Variants in NKAIN2 observed in about 807,000 individuals in gnomAD.
The protein encoded by NKAIN2 is sodium/potassium-transporting ATPase subunit beta-1-interacting protein 2.
Under a neutral mutation model 32.6 loss-of-function variants are expected in NKAIN2, and 14 were observed. That is an observed-to-expected ratio of 0.43 (90% CI 0.28 to 0.67). The LOEUF (loss-of-function observed/expected upper bound fraction) is 0.67, where lower values mean the gene tolerates loss of function less well. NKAIN2 is among the 30% of genes least tolerant of loss of function. The pLI, the probability that NKAIN2 is intolerant of heterozygous loss-of-function variation, is 0.17. For missense variants in NKAIN2, 198 were observed against 258.3 expected (o/e 0.77, Z 1.60); for synonymous variants, 80 against 87.2 (o/e 0.92, Z 0.46).
intron 3 of NKAIN2, among the ~76,000 whole-genome samples, chr6:124,466,254 C>T (rs1290760516): frequency 6.6e-6 from 1 of 152,124 alleles, no homozygotes; most frequent in Non-Finnish European, 1.5e-5. Context: ...TTATAACTCT[C>T]ATGGCATGGT....
intron 3 of NKAIN2, among the ~76,000 whole-genome samples, chr6:124,575,245 T>C (rs1035042567): frequency 6.6e-6 from 1 of 152,172 alleles, no homozygotes; most frequent in African/African-American, 2.4e-5. Flanking sequence ...CTGTCCCCTA[T>C]CCCTTTCATT....
intron 4 of NKAIN2, among the ~76,000 whole-genome samples, chr6:124,697,687 T>G (rs534582555): frequency 6.6e-6 from 1 of 152,338 alleles, no homozygotes; most frequent in African/African-American, 2.4e-5. Flanking sequence ...CAGTCTATAT[T>G]GTTTCTGTTT....
rs774542140 is a variant in NKAIN2 at position 123,835,012 on chromosome 6, C to T, written c.54+30758C>T. Among the ~76,000 whole-genome samples the T allele has an allele frequency of 5.5e-4, 82 of 149,868 alleles. 2 individuals are homozygous for T. Among genetic ancestry groups the T allele is most frequent in the Non-Finnish European group, 1.8e-4 (12 of 66,658 alleles). ...TTCTATATCTATGTTCATGAGAGAT[C>T]TTAGTCTTTTGTTTTCTTGTATTGT... is the stretch of plus-strand genomic sequence containing the variant. On this transcript the variant is annotated intron_variant, in intron 1 of 6. Coordinates refer to ENST00000368417, the MANE Select transcript of NKAIN2 (RefSeq NM_001040214.3).
Position 124,823,262 on chromosome 6 carries a change from C to A in NKAIN2, c.*33C>A. On this transcript the variant is annotated 3_prime_UTR_variant, in exon 7 of 7. Coordinates refer to ENST00000368417, the MANE Select transcript of NKAIN2 (RefSeq NM_001040214.3). ...GACTTCAGTATGTCAGCCCATGGAC[C>A]TTTCAAAGAACTTTTTTCGCAGTGG... 6.4e-7 allele frequency: 1 copy of A among 1,552,622 alleles called. No individual in the cohort carries two copies. The highest frequency in any genetic ancestry group is 8.9e-7 in the Non-Finnish European group (1 of 1,123,494).
intron 1 of NKAIN2, among the ~76,000 whole-genome samples, chr6:124,174,154 C>T (rs1002567293): frequency 6.6e-6 from 1 of 151,940 alleles, no homozygotes; most frequent in African/African-American, 2.4e-5. Context: ...TTGATATGAG[C>T]GAGGTGGTAC....
chr6:123,878,853 A>G (rs1773305739), intron 1 of NKAIN2, among the ~76,000 whole-genome samples: 2 of 151,918 alleles, frequency 1.3e-5, no homozygotes, highest in African/African-American at 4.8e-5. Context: ...TGCACCACTC[A>G]TAGCCTTGCC....
chr6:124,328,278 G>A (rs1227183265), intron 2 of NKAIN2, among the ~76,000 whole-genome samples: 1 of 152,138 alleles, frequency 6.6e-6, no homozygotes, highest in African/African-American at 2.4e-5. Context: ...TTAAATATCT[G>A]TGATGTATTT....
chr6:124,025,703 G>GT (rs1781077741), intron 1 of NKAIN2, among the ~76,000 whole-genome samples: 1 of 152,160 alleles, frequency 6.6e-6, no homozygotes, highest in South Asian at 2.1e-4. Flanking sequence ...CACAATAGAC[G>GT]TAAGTGTGTG....
At chr6:123,887,539 C>G (rs1164291848) in intron 1 of NKAIN2, among the ~76,000 whole-genome samples, 1 of 152,080 alleles carries the variant, frequency 6.6e-6, no homozygotes, top group Non-Finnish European at 1.5e-5. Flanking sequence ...TTCTGTGTAC[C>G]TTCAATTCTT....
rs556337703 is a variant in NKAIN2 at position 124,428,612 on chromosome 6, A to G, written c.273+73265A>G. Among the ~76,000 whole-genome samples, 22 of 152,344 alleles carry G rather than the reference A, an allele frequency of 1.4e-4. No individual in the cohort carries two copies. In the South Asian group the frequency reaches 2.3e-3, roughly 16 times the overall value. ...GAAGCAAAATATTAGGAAATCCTTC[A>G]TAAGTGTAGGGTGAGTTAATCATTC... On this transcript the variant is annotated intron_variant, in intron 3 of 6. Coordinates refer to ENST00000368417, the MANE Select transcript of NKAIN2 (RefSeq NM_001040214.3).
intron 3 of NKAIN2, among the ~76,000 whole-genome samples, chr6:124,614,192 G>A (rs902004899): frequency 1.3e-5 from 2 of 152,102 alleles, no homozygotes; most frequent in African/African-American, 4.8e-5. Context: ...TCAGGAGTTC[G>A]AGACCAGCCT....
chr6:124,656,063 T>C (rs1007117343), intron 3 of NKAIN2, among the ~76,000 whole-genome samples: 10 of 152,164 alleles, frequency 6.6e-5, no homozygotes, highest in Non-Finnish European at 1.3e-4. Context: ...TCTTAGGCCC[T>C]GGGGATTTAT....
At chr6:124,582,123 C>T (rs939998274) in intron 3 of NKAIN2, among the ~76,000 whole-genome samples, 4 of 151,150 alleles carry the variant, frequency 2.6e-5, no homozygotes, top group African/African-American at 9.7e-5. Context: ...AAACCTTTAG[C>T]CAGACTGAGA....
intron 1 of NKAIN2, among the ~76,000 whole-genome samples, chr6:124,269,366 T>C (rs771855086): frequency 4.6e-5 from 7 of 152,118 alleles, no homozygotes; most frequent in Non-Finnish European, 7.4e-5. Context: ...TCATGACAAA[T>C]TCTAAAACGT....
At chr6:124,410,810 AT>A (rs1321922827) in intron 3 of NKAIN2, among the ~76,000 whole-genome samples, 1 of 152,090 alleles carries the variant, frequency 6.6e-6, no homozygotes, top group Non-Finnish European at 1.5e-5. Context: ...GTCTCCCATT[AT>A]TATTGTGTGG....
At chr6:124,056,063 G>A (rs113668322) in intron 1 of NKAIN2, among the ~76,000 whole-genome samples, 28 of 151,952 alleles carry the variant, frequency 1.8e-4, no homozygotes, top group African/African-American at 6.5e-4. Flanking sequence ...TGAGCTGATC[G>A]ATTGCCCACA....
intron 1 of NKAIN2, among the ~76,000 whole-genome samples, chr6:123,862,720 C>T (rs1582670729): frequency 6.6e-6 from 1 of 152,134 alleles, no homozygotes; most frequent in Non-Finnish European, 1.5e-5. Flanking sequence ...CTATCCATTT[C>T]TCATAACCTG....
chr6:123,923,152 A>C (rs894029328), intron 1 of NKAIN2, among the ~76,000 whole-genome samples: 23 of 152,240 alleles, frequency 1.5e-4, no homozygotes, highest in African/African-American at 2.2e-4. Context: ...GACAAAAAAA[A>C]CCCACAAACA....
intron 3 of NKAIN2, among the ~76,000 whole-genome samples, chr6:124,604,203 C>T (rs1467973240): frequency 1.3e-5 from 2 of 152,004 alleles, no homozygotes; most frequent in East Asian, 3.9e-4. Flanking sequence ...CCTACAAACA[C>T]GAAATTTCAA....
Sources: gnomAD v4.1 joint callset for allele counts (sites outside exome capture counted in the v4.1 genomes callset) on GRCh38, gnomAD v4.1.1 for gene constraint, MANE v1.5 for transcripts, NCBI Gene and HGNC (gene_info 2026-07-23, HGNC 2026-07-21) for gene names.